The following GRM8 variants were observed in gnomAD, a reference collection of about 807,000 sequenced individuals.
GRM8 encodes glutamate metabotropic receptor 8, also known as metabotropic glutamate receptor 8.
GRM8 carries 47 observed loss-of-function variants against 87.2 expected under a neutral mutation model. That is an observed-to-expected ratio of 0.54 (90% CI 0.43 to 0.69). The LOEUF (loss-of-function observed/expected upper bound fraction) is 0.69, where lower values mean the gene tolerates loss of function less well. GRM8 is among the 30% of genes least tolerant of loss of function. The pLI is 0.00. For synonymous variants in GRM8, 396 were observed against 404.5 expected, an observed-to-expected ratio of 0.98 and a Z score of 0.25; for missense variants, 1,019 against 1,139.2, an observed-to-expected ratio of 0.89 and a Z score of 1.52.
At chr7:127,006,412 G>T (rs2132071772) in intron 3 of GRM8, among the ~76,000 whole-genome samples, 1 of 151,968 alleles carries the variant, frequency 6.6e-6, no homozygotes, top group South Asian at 2.1e-4. Flanking sequence ...AATTCTATTT[G>T]CCCCTTCAGC....
Position 126,533,254 on chromosome 7 carries a change from C to A in GRM8, c.2128G>T (p.Val710Leu), listed in dbSNP as rs776180975. 12 of 1,613,448 alleles carry A rather than the reference C, an allele frequency of 7.4e-6. No homozygotes were observed. In the African/African-American group the frequency reaches 1.6e-4, roughly 22 times the overall value. ...GGATCCACAACAAACCAGACAAACA[C>A]TCCAAGGAGCTGGACGGAGATGAGG... ...FSLISVQLLG[V>L]FVWFVVDPPH... Residue 710 changes from valine (V) to leucine (L), a missense_variant, in exon 9 of 11, where the codon GTG (valine) becomes TTG (leucine). Physicochemically the swap from Val to Leu is conservative, Grantham distance 32. Coordinates refer to ENST00000339582, the MANE Select transcript of GRM8 (RefSeq NM_000845.3).
intron 2 of GRM8, among the ~76,000 whole-genome samples, chr7:127,231,872 CT>C (rs5887330): frequency 1.3e-5 from 2 of 149,296 alleles, no homozygotes; most frequent in African/African-American, 2.5e-5. Context: ...TTTTCTTTTT[CT>C]TTTTTTTTTA....
chr7:127,079,880 A>G (rs1003748925), intron 3 of GRM8, among the ~76,000 whole-genome samples: 3 of 152,196 alleles, frequency 2.0e-5, no homozygotes, highest in East Asian at 1.9e-4. Flanking sequence ...CCATCCTGTA[A>G]AAGTTTAATT....
chr7:126,604,102 G>A (rs982090499), intron 8 of GRM8, among the ~76,000 whole-genome samples: 1 of 151,682 alleles, frequency 6.6e-6, no homozygotes, highest in African/African-American at 2.4e-5. Context: ...GGAAGCCCCA[G>A]TATACATACA....
intron 6 of GRM8, among the ~76,000 whole-genome samples, chr7:126,772,316 A>AGTCCCTAGGTCTGGATGGAT (rs1439997981): frequency 6.6e-6 from 1 of 152,176 alleles, no homozygotes; most frequent in Non-Finnish European, 1.5e-5. Context: ...TTTGAGGATC[A>AGTCCCTAGGTCTGGATGGAT]GTCCCTAGGT....
chr7:126,648,733 A>C (rs912582387), intron 7 of GRM8, among the ~76,000 whole-genome samples: 2 of 152,250 alleles, frequency 1.3e-5, no homozygotes, highest in African/African-American at 4.8e-5. Context: ...TGAAACATAC[A>C]CACAAACTCA....
intron 9 of GRM8, among the ~76,000 whole-genome samples, chr7:126,477,571 G>GAAAGAGAAAGAAAGA (rs1201963783): frequency 2.2e-4 from 20 of 90,212 alleles, no homozygotes; most frequent in Admixed American, 3.6e-4. Flanking sequence ...GAGAAAGAAA[G>GAAAGAGAAAGAAAGA]AAAGAAAGAG....
At chr7:126,969,518 A>C (rs916381025) in intron 3 of GRM8, among the ~76,000 whole-genome samples, 7 of 152,154 alleles carry the variant, frequency 4.6e-5, no homozygotes, top group African/African-American at 1.7e-4. Flanking sequence ...TCATCCATTC[A>C]AGTTTTATGA....
intron 7 of GRM8, among the ~76,000 whole-genome samples, chr7:126,758,475 C>T (rs1817247989): frequency 6.6e-6 from 1 of 151,968 alleles, no homozygotes; most frequent in Non-Finnish European, 1.5e-5. Flanking sequence ...ACTACTCTCT[C>T]GGTTACTGAG....
intron 2 of GRM8, among the ~76,000 whole-genome samples, chr7:127,203,332 C>T (rs946075808): frequency 2.0e-5 from 3 of 152,138 alleles, no homozygotes; most frequent in African/African-American, 7.2e-5. Flanking sequence ...TGCTCACTAC[C>T]TGGATAACAG....
chr7:126,831,793 G>A (rs1795405128), intron 6 of GRM8, among the ~76,000 whole-genome samples: 1 of 152,160 alleles, frequency 6.6e-6, no homozygotes, highest in Admixed American at 6.5e-5. Flanking sequence ...CACACTGGGA[G>A]CTGTAGACCG....
intron 2 of GRM8, among the ~76,000 whole-genome samples, chr7:127,241,302 A>G (rs1316530256): frequency 6.6e-6 from 1 of 152,118 alleles, no homozygotes; most frequent in African/African-American, 2.4e-5. Context: ...AAATCCTTTG[A>G]TTCAATTCCT....
At chr7:127,170,942 A>G (rs547970696) in intron 2 of GRM8, among the ~76,000 whole-genome samples, 18 of 152,268 alleles carry the variant, frequency 1.2e-4, no homozygotes, top group Non-Finnish European at 2.5e-4. Flanking sequence ...ACCACTAAAG[A>G]ACTTATTCAT....
At chr7:126,453,680 A>T (rs1306041899) in intron 9 of GRM8, among the ~76,000 whole-genome samples, 1 of 151,848 alleles carries the variant, frequency 6.6e-6, no homozygotes, top group African/African-American at 2.4e-5. Flanking sequence ...GTGATCTTTA[A>T]TATTTGGATT....
At chr7:126,484,883 T>G (rs1807172764) in intron 9 of GRM8, among the ~76,000 whole-genome samples, 4 of 44,164 alleles carry the variant, frequency 9.1e-5, no homozygotes, top group East Asian at 4.4e-4. Flanking sequence ...ACGTTTTTTG[T>G]TTTTTTTTTT....
chr7:126,607,768 T>A (rs147322324), intron 8 of GRM8, among the ~76,000 whole-genome samples: 1 of 152,144 alleles, frequency 6.6e-6, no homozygotes, highest in African/African-American at 2.4e-5. Flanking sequence ...TACATATGTA[T>A]ACACGTGCCA....
intron 2 of GRM8, among the ~76,000 whole-genome samples, chr7:127,157,190 G>A (rs1354144298): frequency 1.5e-5 from 2 of 132,096 alleles, no homozygotes; most frequent in Admixed American, 7.4e-5. Flanking sequence ...GAAAGAACAA[G>A]GAAATGAGAA....
At chr7:127,085,414 T>C (rs1457990440) in intron 3 of GRM8, among the ~76,000 whole-genome samples, 2 of 152,242 alleles carry the variant, frequency 1.3e-5, no homozygotes, top group Non-Finnish European at 2.9e-5. Flanking sequence ...GTTGAACTAA[T>C]TTACATTCCC....
At chr7:127,228,384 T>C (rs1392341842) in intron 2 of GRM8, 1 of 152,210 alleles carries the variant, frequency 6.6e-6, no homozygotes, top group African/African-American at 2.4e-5. Context: ...GAGCAGGTGA[T>C]GTTTAGCCTG....
Sources: gnomAD v4.1 joint callset for allele counts (sites outside exome capture counted in the v4.1 genomes callset) on GRCh38, gnomAD v4.1.1 for gene constraint, MANE v1.5 for transcripts, NCBI Gene and HGNC (gene_info 2026-07-23, HGNC 2026-07-21) for gene names.